ADGRL2: variants seen among roughly 807,000 people sequenced by gnomAD.
ADGRL2 encodes adhesion G protein-coupled receptor L2.
In ADGRL2, 44 loss-of-function variants were observed where a neutral mutation model predicts 157.4. The ratio of observed to expected loss-of-function variants is 0.28; its 90% CI spans 0.22 to 0.36. ADGRL2 has a LOEUF of 0.36. ADGRL2 is among the 10% of genes least tolerant of loss of function. The probability of loss-of-function intolerance (pLI) is 1.00; values close to 1 mark genes in which losing one functional copy is unlikely to be tolerated. For synonymous variants in ADGRL2, 585 were observed against 624.7 expected (o/e 0.94, Z 0.95); for missense variants, 1,510 against 1,768.9 (o/e 0.85, Z 2.63).
At chr1:81,609,571 TGA>T (rs1222057243) in intron 3 of ADGRL2, among the ~76,000 whole-genome samples, 1 of 152,188 alleles carries the variant, frequency 6.6e-6, no homozygotes, top group Non-Finnish European at 1.5e-5. Flanking sequence ...CTCACAAGCA[TGA>T]GAGAGTTGAT....
At chr1:81,624,630 AC>A (rs2081871541) in intron 3 of ADGRL2, among the ~76,000 whole-genome samples, 1 of 152,198 alleles carries the variant, frequency 6.6e-6, no homozygotes. Context: ...AGATTGGAGA[AC>A]ATACTGGTCA....
At chr1:81,532,763 G>A (rs1454941439) in intron 2 of ADGRL2, among the ~76,000 whole-genome samples, 1 of 151,572 alleles carries the variant, frequency 6.6e-6, no homozygotes, top group Admixed American at 6.6e-5. Context: ...AAAAATAAAT[G>A]TAAAAAATTA....
rs143668073 is a variant in ADGRL2, at chr1:81,368,984, C to A, written c.-302+62475C>A. ...TCCTCCTTCTCCAAAAAATCAGAAT[C>A]TTCTATATATTTCCATTATTATATC... On this transcript the variant is annotated intron_variant, in intron 1 of 24. Transcript: ENST00000370721. 2.4e-4 allele frequency among the ~76,000 whole-genome samples: 36 copies of A among 152,276 alleles called. No homozygotes were observed. The East Asian group carries it at 6.7e-3, about 29-fold the overall frequency.
intron 1 of ADGRL2, among the ~76,000 whole-genome samples, chr1:81,825,071 C>T (rs574095861): frequency 1.3e-4 from 19 of 151,840 alleles, no homozygotes; most frequent in Admixed American, 2.0e-4. Flanking sequence ...TAGGGCTGGG[C>T]GCAGTGGCTC....
chr1:81,576,955 G>A (rs142930943), intron 2 of ADGRL2, among the ~76,000 whole-genome samples: 22 of 152,156 alleles, frequency 1.4e-4, no homozygotes, highest in African/African-American at 5.3e-4. Flanking sequence ...TGGATCCCAT[G>A]TTTGTCCTTT....
chr1:81,475,359 A>T (rs973124828), intron 2 of ADGRL2, among the ~76,000 whole-genome samples: 2 of 152,134 alleles, frequency 1.3e-5, no homozygotes, highest in Non-Finnish European at 2.9e-5. Flanking sequence ...ACTATTGTTT[A>T]CGTCTTGACA....
intron 6 of ADGRL2, among the ~76,000 whole-genome samples, chr1:81,948,695 T>C (rs780013774): frequency 5.3e-5 from 8 of 152,210 alleles, no homozygotes; most frequent in Admixed American, 6.5e-5. Context: ...AAAGAAAAGA[T>C]AGACAGGTTT....
chr1:81,382,092 C>G (rs982992915), intron 1 of ADGRL2, among the ~76,000 whole-genome samples: 2 of 152,142 alleles, frequency 1.3e-5, no homozygotes, highest in African/African-American at 4.8e-5. Context: ...TAACTGAACC[C>G]TTCTGTGCTT....
At chr1:81,422,252 AT>A (rs1232899300) in intron 1 of ADGRL2, among the ~76,000 whole-genome samples, 6 of 150,192 alleles carry the variant, frequency 4.0e-5, no homozygotes, top group Admixed American at 1.3e-4. Context: ...CATACAAACA[AT>A]TTTTTTTTTG....
At chr1:81,898,029 G>C (rs1176429108) in intron 2 of ADGRL2, among the ~76,000 whole-genome samples, 1 of 152,132 alleles carries the variant, frequency 6.6e-6, no homozygotes, top group Non-Finnish European at 1.5e-5. Context: ...CCATATGCTT[G>C]AGCCTAGAAG....
chr1:81,622,818 A>G (rs142399227), intron 3 of ADGRL2, among the ~76,000 whole-genome samples: 1 of 152,346 alleles, frequency 6.6e-6, no homozygotes, highest in East Asian at 1.9e-4. Context: ...TTTTCCAGTT[A>G]TTTAGTGACC....
chr1:81,370,266 T>G (rs890028901), intron 1 of ADGRL2, among the ~76,000 whole-genome samples: 2 of 152,192 alleles, frequency 1.3e-5, no homozygotes, highest in African/African-American at 4.8e-5. Flanking sequence ...GAAACTGAAC[T>G]TTGGCATTGA....
chr1:81,707,390 G>A (rs1193605059), intron 1 of ADGRL2, among the ~76,000 whole-genome samples: 1 of 152,064 alleles, frequency 6.6e-6, no homozygotes, highest in Non-Finnish European at 1.5e-5. Flanking sequence ...CCTCATAGGA[G>A]AATGTGAAAA....
At position 81,427,131 on chromosome 1, in the gene ADGRL2, G is replaced by A. The variant is rs555827777; in HGVS notation, c.-301-17905G>A. 4 of 1,352,256 alleles carry A rather than the reference G, an allele frequency of 3.0e-6. No individual in the cohort carries two copies. In the African/African-American group the frequency reaches 4.3e-5, roughly 15 times the overall value. 83.8% of individuals were successfully genotyped at this position (1,352,256 alleles called of 1,614,324 possible). ...TCTGCTGGATCACAGAGAGATTGTG[G>A]AGGTGGATCCGGCAATTTTATGGGT... On this transcript the variant is annotated intron_variant, in intron 1 of 24. Transcript: ENST00000370721.
At chr1:81,408,184 A>G (rs11808193) in intron 1 of ADGRL2, among the ~76,000 whole-genome samples, 25,780 of 152,182 alleles carry the variant, frequency 0.17, 2,403 homozygotes, top group South Asian at 0.28. Flanking sequence ...AGGACCACAC[A>G]TTGCTCATCA....
chr1:81,652,329 G>A (rs1010882246), intron 3 of ADGRL2, among the ~76,000 whole-genome samples: 3 of 151,966 alleles, frequency 2.0e-5, no homozygotes, highest in African/African-American at 7.2e-5. Context: ...TCAGTAAGGG[G>A]GATTTTTACT....
intron 1 of ADGRL2, among the ~76,000 whole-genome samples, chr1:81,720,434 G>A (rs1052594684): frequency 2.0e-5 from 3 of 151,872 alleles, no homozygotes; most frequent in African/African-American, 4.8e-5. Flanking sequence ...GCCTCCCAAA[G>A]TGCTGAGATT....
intron 1 of ADGRL2, among the ~76,000 whole-genome samples, chr1:81,360,558 T>C (rs146937755): frequency 3.8e-4 from 58 of 152,096 alleles, no homozygotes; most frequent in African/African-American, 1.3e-3. Context: ...CAGGTTCATT[T>C]ATGCATTGTT....
At chr1:81,829,650 T>A (rs960929799) in intron 1 of ADGRL2, among the ~76,000 whole-genome samples, 1 of 152,224 alleles carries the variant, frequency 6.6e-6, no homozygotes, top group African/African-American at 2.4e-5. Flanking sequence ...AGTTGCTTCT[T>A]TTTAAGATAT....
Sources: allele counts gnomAD v4.1 joint callset (sites outside exome capture counted in the v4.1 genomes callset), GRCh38; gene constraint gnomAD v4.1.1; transcripts MANE v1.5; gene names NCBI Gene and HGNC (gene_info 2026-07-23, HGNC 2026-07-21).